ALDH1A2: variants seen among roughly 807,000 people sequenced by gnomAD.
The protein encoded by ALDH1A2 is aldehyde dehydrogenase 1 family member A2.
A neutral mutation model predicts 60.3 loss-of-function variants in ALDH1A2; 27 were observed. That is an observed-to-expected ratio of 0.45 (90% CI 0.33 to 0.62). ALDH1A2 has a LOEUF of 0.62. ALDH1A2 is among the 20% of genes least tolerant of loss of function. The pLI is 0.02. For synonymous variants in ALDH1A2, 289 were observed against 232.4 expected (o/e 1.24, Z -2.21); for missense variants, 581 against 643.8 (o/e 0.90, Z 1.06).
intron 1 of ALDH1A2, among the ~76,000 whole-genome samples, chr15:58,023,019 C>G (rs1451058717): frequency 6.6e-6 from 1 of 152,134 alleles, no homozygotes; most frequent in African/African-American, 2.4e-5. Flanking sequence ...ATTTCAAAAT[C>G]CCAGATAAAG....
intron 9 of ALDH1A2, among the ~76,000 whole-genome samples, chr15:57,963,058 A>G (rs1452696472): frequency 6.6e-6 from 1 of 152,188 alleles, no homozygotes; most frequent in African/African-American, 2.4e-5. Context: ...ACCATACAGC[A>G]AAAGGGAAGT....
intron 1 of ALDH1A2, among the ~76,000 whole-genome samples, chr15:58,040,900 A>T (rs1896505366): frequency 6.6e-6 from 1 of 151,928 alleles, no homozygotes; most frequent in Non-Finnish European, 1.5e-5. Flanking sequence ...TTTATAGATT[A>T]GGAAAGTCAG....
At chr15:57,988,467 T>C (rs1056308493) in intron 7 of ALDH1A2, among the ~76,000 whole-genome samples, 18 of 152,204 alleles carry the variant, frequency 1.2e-4, no homozygotes, top group African/African-American at 4.1e-4. Flanking sequence ...CATTAATACA[T>C]TGAATGTTGA....
rs546696770 is a variant in ALDH1A2 at position 57,979,674 on chromosome 15, C to T, written c.798+13031G>A. 4 of 217,384 alleles carry T rather than the reference C, an allele frequency of 1.8e-5. No individual in the cohort carries two copies. The South Asian group carries it at 4.1e-4, about 22-fold the overall frequency. The allele number at this position is 217,384 out of a possible 1,614,324, so 13.5% of individuals were successfully genotyped here. On this transcript the variant is annotated intron_variant, in intron 7 of 12. Coordinates refer to ENST00000249750, the MANE Select transcript of ALDH1A2 (RefSeq NM_003888.4). ...TGAAAACACAGAAAAACCCAAAAAC[C>T]CAGAAAGGGAGATAATGTGGGGAGA...
chr15:58,018,581 G>GA (rs1201618116), intron 1 of ALDH1A2, among the ~76,000 whole-genome samples: 4 of 152,026 alleles, frequency 2.6e-5, no homozygotes, highest in Non-Finnish European at 5.9e-5. Context: ...AATTACAAAA[G>GA]AAAAAATAGT....
chr15:57,962,287 C>G (rs1300649588), intron 9 of ALDH1A2, 111 bp from the exon 10 acceptor site: 1 of 1,321,192 alleles, frequency 7.6e-7, no homozygotes, highest in African/African-American at 1.5e-5. Flanking sequence ...TTAACTACAC[C>G]CAGTCAGATC....
intron 5 of ALDH1A2, among the ~76,000 whole-genome samples, chr15:57,993,479 A>T (rs1894960378): frequency 6.6e-6 from 1 of 152,208 alleles, no homozygotes; most frequent in Non-Finnish European, 1.5e-5. Flanking sequence ...GCTCTTCAAC[A>T]TGGAAAAACT....
At chr15:58,018,847 G>A (rs570716937) in intron 1 of ALDH1A2, among the ~76,000 whole-genome samples, 1 of 152,122 alleles carries the variant, frequency 6.6e-6, no homozygotes, top group East Asian at 1.9e-4. Flanking sequence ...GTCATGAGAG[G>A]CTAGTAAAAT....
At chr15:57,999,347 G>GA (rs1188800195) in intron 4 of ALDH1A2, among the ~76,000 whole-genome samples, 1 of 151,266 alleles carries the variant, frequency 6.6e-6, no homozygotes, top group Non-Finnish European at 1.5e-5. Context: ...AAATTTAGAA[G>GA]AAAAAAATAA....
At chr15:57,970,943 G>C (rs1302438847) in intron 7 of ALDH1A2, among the ~76,000 whole-genome samples, 1 of 152,146 alleles carries the variant, frequency 6.6e-6, no homozygotes, top group Non-Finnish European at 1.5e-5. Flanking sequence ...TCTTTCTGAA[G>C]TACCCAGAAA....
intron 12 of ALDH1A2, 80 bp downstream of exon 12, chr15:57,960,686 ATAAT>A: frequency 8.4e-7 from 1 of 1,189,740 alleles, no homozygotes; most frequent in Non-Finnish European, 1.2e-6. Flanking sequence ...TGAGTGTAAG[ATAAT>A]TAAACTATTT....
At chr15:58,057,237 G>T (rs1896919055) in intron 1 of ALDH1A2, among the ~76,000 whole-genome samples, 1 of 151,848 alleles carries the variant, frequency 6.6e-6, no homozygotes, top group South Asian at 2.1e-4. Context: ...CAATTACAAT[G>T]AACTAATTAT....
intron 7 of ALDH1A2, among the ~76,000 whole-genome samples, chr15:57,971,795 G>A (rs908844801): frequency 6.6e-6 from 1 of 152,182 alleles, no homozygotes; most frequent in Non-Finnish European, 1.5e-5. Context: ...TGTGATCACG[G>A]CTCACTGCAT....
chr15:57,983,909 C>A (rs937717854), intron 7 of ALDH1A2, among the ~76,000 whole-genome samples: 2 of 152,066 alleles, frequency 1.3e-5, no homozygotes, highest in Non-Finnish European at 1.5e-5. Context: ...CAAATGGAAA[C>A]CCTGTATTGT....
At chr15:57,970,465 G>T (rs148116425) in intron 7 of ALDH1A2, among the ~76,000 whole-genome samples, 3 of 152,228 alleles carry the variant, frequency 2.0e-5, no homozygotes, top group Non-Finnish European at 2.9e-5. Context: ...CCCTGGAAGA[G>T]CCACAGTGTA....
At position 57,955,134 on chromosome 15, in the gene ALDH1A2, C is replaced by A; in HGVS notation, c.*63G>T. On this transcript the variant is annotated 3_prime_UTR_variant, in exon 13 of 13. Transcript: ENST00000249750. ...AACTTTGTATTCCTGAGAGCTGGGC[C>A]CTACAGAGAAAGCAGAGAGGGACAG... The A allele has an allele frequency of 6.7e-7, 1 of 1,500,144 alleles. No homozygotes were observed. Among genetic ancestry groups the A allele is most frequent in the South Asian group, 1.1e-5 (1 of 88,760 alleles). 92.9% of individuals were successfully genotyped at this position (1,500,144 alleles called of 1,614,324 possible). A position where few individuals can be genotyped will look rare whatever the true frequency, so the allele number is the denominator to read the frequency against.
At chr15:58,028,192 A>G (rs1427449195) in intron 1 of ALDH1A2, among the ~76,000 whole-genome samples, 1 of 152,218 alleles carries the variant, frequency 6.6e-6, no homozygotes, top group Non-Finnish European at 1.5e-5. Flanking sequence ...TCAGACTAAC[A>G]GCAGATCCCT....
In ALDH1A2 at chr15:57,965,770, C is replaced by T. The variant is rs866980565; in HGVS notation, c.856G>A (p.Glu286Lys). The T allele has an allele frequency of 6.2e-7, 1 of 1,614,152 alleles. No homozygotes were observed. Among genetic ancestry groups the T allele is most frequent in the Non-Finnish European group, 8.5e-7 (1 of 1,179,998 alleles). ...GRSNLKRVTL[E>K]LGGKSPNIIF... ...ATATTAGGACTTTTGCCTCCAAGTT[C>T]CAGAGTTACTCTCTTCAAATTACTT... The change falls in exon 8 of 13, where the codon GAA (glutamate) becomes AAA (lysine). Residue 286 changes from glutamate to lysine, a missense_variant. Around this residue, in one of 2 missense-constraint regions of ALDH1A2, gnomAD observed 375 missense variants for 469.7 expected, o/e 0.80. Coordinates refer to ENST00000249750, the MANE Select transcript of ALDH1A2 (RefSeq NM_003888.4).
At position 57,957,937 on chromosome 15, in the gene ALDH1A2, G is replaced by A. The variant is rs142734271; in HGVS notation, c.1485-2668C>T. ...AGAGGGTGGGTGGGAGCGGGTCACC[G>A]GAAGGCAGGTTGCTTTCAAGGGTGA... On this transcript the variant is annotated intron_variant, in intron 12 of 12. Transcript: ENST00000249750. Among the ~76,000 whole-genome samples the A allele has an allele frequency of 3.3e-4, 50 of 152,236 alleles. No individual in the cohort carries two copies. In the East Asian group the frequency reaches 5.6e-3, roughly 17 times the overall value.
Sources: gnomAD v4.1 joint callset for allele counts (sites outside exome capture counted in the v4.1 genomes callset) on GRCh38, gnomAD v4.1.1 for gene constraint, gnomAD v4.1.1 regional missense constraint, MANE v1.5 for transcripts, NCBI Gene and HGNC (gene_info 2026-07-23, HGNC 2026-07-21) for gene names.